TNRC18: variants seen among roughly 807,000 people sequenced by gnomAD.
TNRC18 encodes trinucleotide repeat containing 18, also known as trinucleotide repeat-containing gene 18 protein.
A neutral mutation model predicts 226.7 loss-of-function variants in TNRC18; 69 were observed. That is an observed-to-expected ratio of 0.30 (90% CI 0.25 to 0.37). TNRC18 has a LOEUF of 0.37. Ranked by LOEUF, TNRC18 falls within the 10% of genes least tolerant of loss-of-function variation. The pLI is 1.00. For missense variants in TNRC18, 4,754 were observed against 4,256.6 expected (o/e 1.12, Z -3.25); for synonymous variants, 2,449 against 1,927.6 (o/e 1.27, Z -7.09).
At chr7:5,357,712 CTT>C (rs959022232) in intron 15 of TNRC18, among the ~76,000 whole-genome samples, 8 of 152,156 alleles carry the variant, frequency 5.3e-5, no homozygotes, top group African/African-American at 1.9e-4. Flanking sequence ...TGGTCTCAAA[CTT>C]TTAGGCTCAA....
intron 27 of TNRC18, among the ~76,000 whole-genome samples, chr7:5,311,455 A>G (rs949936508): frequency 6.6e-6 from 1 of 152,212 alleles, no homozygotes; most frequent in Non-Finnish European, 1.5e-5. Context: ...CCTGGGAAGG[A>G]GGTACCTTCT....
At chr7:5,356,420 A>AT (rs1236271638) in intron 16 of TNRC18, among the ~76,000 whole-genome samples, 1 of 152,188 alleles carries the variant, frequency 6.6e-6, no homozygotes, top group Non-Finnish European at 1.5e-5. Context: ...TGGGCGCTCC[A>AT]TAAACACTGC....
chr7:5,332,989 G>C lies in TNRC18; in HGVS notation c.5780C>G (p.Ala1927Gly), dbSNP rs772241156. The C allele has an allele frequency of 3.8e-6, 6 of 1,571,968 alleles. No individual in the cohort carries two copies. Among genetic ancestry groups the C allele is most frequent in the Non-Finnish European group, 5.1e-6 (6 of 1,167,168 alleles). ...CCCCTTCTTGGGCCGCAGCAGCCCCGCAGGCGACCGCTTGCGCACCTTGAC... is the reference window on the plus strand; with the variant it reads ...CCCCTTCTTGGGCCGCAGCAGCCCCCCAGGCGACCGCTTGCGCACCTTGAC... ...SEVKVRKRSP[A>G]GLLRPKKGLG... Residue 1927 changes from alanine (A) to glycine (G), a missense_variant, in exon 19 of 30, where the codon GCG becomes GGG. Coordinates refer to ENST00000430969, the MANE Select transcript of TNRC18 (RefSeq NM_001080495.3).
At chr7:5,373,966 A>T (rs1322215006) in intron 10 of TNRC18, 89 bp downstream of exon 10, 2 of 1,089,244 alleles carry the variant, frequency 1.8e-6, no homozygotes, top group Admixed American at 3.7e-5. Context: ...GAATGAACGA[A>T]CGATCGAACG....
chr7:5,380,678 C>A (rs958900500), intron 5 of TNRC18, among the ~76,000 whole-genome samples: 1 of 152,208 alleles, frequency 6.6e-6, no homozygotes, highest in Non-Finnish European at 1.5e-5. Context: ...GCCCACCATG[C>A]ACCCCTCAGT....
At chr7:5,386,013 G>T (rs1342365223) in intron 5 of TNRC18, among the ~76,000 whole-genome samples, 1 of 138,470 alleles carries the variant, frequency 7.2e-6, no homozygotes, top group Non-Finnish European at 1.5e-5. Context: ...AAAAACAGAT[G>T]CGGTGGCTCA....
At chr7:5,329,453 G>A (rs1426788722) in intron 19 of TNRC18, among the ~76,000 whole-genome samples, 1 of 152,038 alleles carries the variant, frequency 6.6e-6, no homozygotes, top group African/African-American at 2.4e-5. Context: ...GGAGGCTGAG[G>A]TGGGCAGATC....
intron 2 of TNRC18, chr7:5,420,192 A>G: frequency 2.9e-6 from 1 of 340,984 alleles, no homozygotes; most frequent in Admixed American, 4.0e-5. Context: ...TACCGTCCCC[A>G]CCGCGCCTGG....
At chr7:5,352,168 T>TAAAACC in intron 16 of TNRC18, 74 bp from the exon 17 acceptor site, 2 of 1,451,866 alleles carry the variant, frequency 1.4e-6, no homozygotes, top group South Asian at 2.8e-5. Flanking sequence ...TTGGTTTTAA[T>TAAAACC]GGTTCTGAGA....
chr7:5,394,648 C>A lies in TNRC18; in HGVS notation c.188-53G>T, dbSNP rs570156957. ...AGGCAGACAACCAGGGAGGCGCCGC[C>A]GCCCCAGCCCACCGCCCCGACCCAC... On this transcript the variant is annotated intron_variant, in intron 2 of 29. Transcript: ENST00000430969. The surrounding 1 kb of genome is among the most constrained non-coding windows in gnomAD (Gnocchi z 4.5). 143 of 1,430,228 alleles carry A rather than the reference C, an allele frequency of 1.0e-4. No individual in the cohort carries two copies. The highest frequency in any genetic ancestry group is 7.8e-4 in the African/African-American group (54 of 68,934). The allele number at this position is 1,430,228 out of a possible 1,614,324, so 88.6% of individuals were successfully genotyped here.
At chr7:5,327,532 C>G (rs1005305780) in intron 19 of TNRC18, among the ~76,000 whole-genome samples, 2 of 151,796 alleles carry the variant, frequency 1.3e-5, no homozygotes, top group African/African-American at 2.4e-5. Context: ...CTCTGGGATC[C>G]GTCATTAAGC....
chr7:5,395,545 G>A (rs1201268015), intron 2 of TNRC18, among the ~76,000 whole-genome samples: 1 of 152,240 alleles, frequency 6.6e-6, no homozygotes, highest in Non-Finnish European at 1.5e-5. Context: ...GAAGACCCTG[G>A]CAGGCCTCTG....
rs926992818 is a variant in TNRC18, at chr7:5,394,680, G to A, written c.188-85C>T. 41 of 934,406 alleles carry A rather than the reference G, an allele frequency of 4.4e-5. No homozygotes were observed. The highest frequency in any genetic ancestry group is 7.7e-5 in the South Asian group (5 of 64,866). 57.9% of individuals were successfully genotyped at this position (934,406 alleles called of 1,614,324 possible). The stretch of plus-strand genomic sequence containing the variant: ...GCCCACCGCCCCGACCCACCGCCCC[G>A]AGACCGCCGCCTCTCCCCAGCTGTG... On this transcript the variant is annotated intron_variant, in intron 2 of 29. Coordinates refer to ENST00000430969, the MANE Select transcript of TNRC18 (RefSeq NM_001080495.3). This position sits in a 1 kb window ranked among gnomAD's most constrained non-coding sequence, Gnocchi z 4.5.
At chr7:5,351,694 G>A (rs1245735620) in intron 17 of TNRC18, 125 bp downstream of exon 17, 8 of 1,075,746 alleles carry the variant, frequency 7.4e-6, no homozygotes, top group South Asian at 3.4e-5. Context: ...GCCTTCTTGC[G>A]GCCATCCGCA....
At chr7:5,345,517 G>GGGGGGCGGCCCCCCCCCCCC in intron 18 of TNRC18, 45 bp downstream of exon 18, 1 of 377,744 alleles carries the variant, frequency 2.6e-6, no homozygotes, top group Non-Finnish European at 4.8e-6. Flanking sequence ...AATGGCGTCC[G>GGGGGGCGGCCCCCCCCCCCC]CCCCTCCCAC....
In TNRC18 at chr7:5,388,942, G is replaced by C; in HGVS notation, c.882C>G (p.Pro294=). The C allele has an allele frequency of 1.4e-6, 2 of 1,386,586 alleles. No individual in the cohort carries two copies. Among genetic ancestry groups the C allele is most frequent in the Non-Finnish European group, 9.4e-7 (1 of 1,065,002 alleles). 85.9% of individuals were successfully genotyped at this position (1,386,586 alleles called of 1,614,324 possible). A position where few individuals can be genotyped will look rare whatever the true frequency, so the allele number is the denominator to read the frequency against. Residue 294 remains proline, a synonymous_variant, in exon 5 of 30, where the codon CCC becomes CCG. Transcript: ENST00000430969. ...CGCGCCCCGCTTCGGCCACCAGCGC[G>C]GGCAGCCCCACGTCCCCGGCGCCGC... The part of the protein sequence containing the change: ...CNGGAGDVGL[P]ALVAEAGRGG...
intron 2 of TNRC18, among the ~76,000 whole-genome samples, chr7:5,409,264 C>G (rs1006749999): frequency 4.0e-5 from 6 of 151,412 alleles, no homozygotes; most frequent in African/African-American, 1.5e-4. Flanking sequence ...AAAGACAATG[C>G]ATGAAAGAAG....
intron 4 of TNRC18, 111 bp from the exon 5 acceptor site, chr7:5,389,447 G>C: frequency 3.4e-6 from 3 of 875,066 alleles, no homozygotes; most frequent in South Asian, 6.0e-5. Flanking sequence ...GCCTCCCCCA[G>C]TGTTTTGGTT....
intron 17 of TNRC18, among the ~76,000 whole-genome samples, chr7:5,347,179 A>AG (rs1266137357): frequency 7.1e-6 from 1 of 140,466 alleles, no homozygotes; most frequent in Non-Finnish European, 1.6e-5. Flanking sequence ...TTGTCTCTAC[A>AG]AAAAAAAAAA....
Sources: gnomAD v4.1 joint callset for allele counts (sites outside exome capture counted in the v4.1 genomes callset) on GRCh38, gnomAD v4.1.1 for gene constraint, Gnocchi (gnomAD v3.1) non-coding constraint, MANE v1.5 for transcripts, NCBI Gene and HGNC (gene_info 2026-07-23, HGNC 2026-07-21) for gene names.